GNG12: variants seen among roughly 807,000 people sequenced by gnomAD.
The protein encoded by GNG12 is G protein subunit gamma 12.
For missense variants in GNG12, 69 were observed against 83.8 expected (o/e 0.82, Z 0.69); for synonymous variants, 28 against 29.7 (o/e 0.94, Z 0.19).
chr1:67,807,786 C>A (rs917860546), intron 1 of GNG12, among the ~76,000 whole-genome samples: 2 of 151,972 alleles, frequency 1.3e-5, no homozygotes, highest in Non-Finnish European at 2.9e-5. Flanking sequence ...TCTCAAAAGG[C>A]CTATTTATAT....
intron 2 of GNG12, among the ~76,000 whole-genome samples, chr1:67,773,918 T>C (rs1646689250): frequency 6.6e-6 from 1 of 152,136 alleles, no homozygotes; most frequent in African/African-American, 2.4e-5. Context: ...ACAATTACAT[T>C]TCATCCTTGG....
In GNG12 at chr1:67,701,874, A is replaced by G. The variant is rs1202336178; in HGVS notation, c.*3577T>C. 6.6e-6 allele frequency: 1 copy of G among 152,660 alleles called. No individual in the cohort carries two copies. Among genetic ancestry groups the G allele is most frequent in the Non-Finnish European group, 1.5e-5 (1 of 68,046 alleles). 9.5% of individuals were successfully genotyped at this position (152,660 alleles called of 1,614,324 possible). ...AGGCCTTTTAGAAGCTATTAAATGA[A>G]CAAACATTATAGATAAACCAATTTT... On this transcript the variant is annotated 3_prime_UTR_variant, in exon 4 of 4. Transcript: ENST00000370982.
At chr1:67,757,742 A>T (rs751043299) in intron 2 of GNG12, among the ~76,000 whole-genome samples, 1 of 152,146 alleles carries the variant, frequency 6.6e-6, no homozygotes, top group Non-Finnish European at 1.5e-5. Flanking sequence ...GTGGAAAAAA[A>T]TCTTGTATTT....
intron 2 of GNG12, among the ~76,000 whole-genome samples, chr1:67,718,644 G>C (rs1168731843): frequency 6.7e-6 from 1 of 148,710 alleles, no homozygotes; most frequent in Non-Finnish European, 1.5e-5. Context: ...TTTTACCTGA[G>C]TCTTGGCTCT....
chr1:67,726,979 T>G (rs184180902), intron 2 of GNG12, among the ~76,000 whole-genome samples: 165 of 152,316 alleles, frequency 1.1e-3, no homozygotes, highest in Non-Finnish European at 2.1e-3. Flanking sequence ...AAATTATACA[T>G]GTGACCCTGC....
intron 1 of GNG12, among the ~76,000 whole-genome samples, chr1:67,813,326 C>T (rs1041536194): frequency 4.6e-5 from 7 of 152,192 alleles, no homozygotes; most frequent in African/African-American, 7.2e-5. Flanking sequence ...AAGCCCCTCT[C>T]GTAAGAACCT....
At chr1:67,806,008 A>C (rs994278185) in intron 1 of GNG12, among the ~76,000 whole-genome samples, 1 of 150,372 alleles carries the variant, frequency 6.7e-6, no homozygotes, top group Admixed American at 6.6e-5. Flanking sequence ...TATTGAGAGA[A>C]AAAAAACGAA....
chr1:67,832,609 T>TA (rs34077158), intron 1 of GNG12, among the ~76,000 whole-genome samples: 44,804 of 145,572 alleles, frequency 0.31, 6,704 homozygotes, highest in Admixed American at 0.36. Context: ...GGGCAATAAT[T>TA]AAAAAAAAAA....
In GNG12 at chr1:67,703,663, A is replaced by C. The variant is rs1646228096; in HGVS notation, c.*1788T>G. ...TGGGCATATCGCAGAACGAAAAAGC[A>C]GATGACACAAGGCTAAGGGCAGTGC... On this transcript the variant is annotated 3_prime_UTR_variant, in exon 4 of 4. Coordinates refer to ENST00000370982, the MANE Select transcript of GNG12 (RefSeq NM_018841.6). The C allele has an allele frequency of 6.6e-6, 1 of 152,262 alleles. No individual in the cohort carries two copies. Among genetic ancestry groups the C allele is most frequent in the African/African-American group, 2.4e-5 (1 of 41,470 alleles). The allele number at this position is 152,262 out of a possible 1,614,324, so 9.4% of individuals were successfully genotyped here.
intron 1 of GNG12, among the ~76,000 whole-genome samples, chr1:67,821,324 A>G (rs978246945): frequency 7.1e-6 from 1 of 140,064 alleles, no homozygotes; most frequent in Non-Finnish European, 1.6e-5. Flanking sequence ...AAAGAGATGC[A>G]GCAAAAACAA....
At chr1:67,743,070 G>A (rs1475473792) in intron 2 of GNG12, among the ~76,000 whole-genome samples, 1 of 152,078 alleles carries the variant, frequency 6.6e-6, no homozygotes, top group Non-Finnish European at 1.5e-5. Flanking sequence ...TACTAATCAG[G>A]AAGAATAAAG....
At chr1:67,747,484 A>T (rs1219242836) in intron 2 of GNG12, among the ~76,000 whole-genome samples, 2 of 152,198 alleles carry the variant, frequency 1.3e-5, no homozygotes, top group Non-Finnish European at 2.9e-5. Context: ...AGAGTTTTAA[A>T]GCCTCCCTCA....
intron 1 of GNG12, among the ~76,000 whole-genome samples, chr1:67,801,617 G>A (rs1646866237): frequency 6.6e-6 from 1 of 152,150 alleles, no homozygotes. Flanking sequence ...GGCTTGGAGT[G>A]GAGAACAAAA....
chr1:67,765,700 GTGAC>G (rs1646632101), intron 2 of GNG12, among the ~76,000 whole-genome samples: 2 of 152,342 alleles, frequency 1.3e-5, no homozygotes, highest in East Asian at 3.9e-4. Flanking sequence ...TAGTCAACCT[GTGAC>G]TGAATCTGGC....
chr1:67,831,407 A>C (rs1647043820), intron 1 of GNG12, among the ~76,000 whole-genome samples: 2 of 152,184 alleles, frequency 1.3e-5, no homozygotes. Context: ...CTGGACAGGA[A>C]ATTTTTATAA....
chr1:67,752,821 A>G (rs528433578), intron 2 of GNG12, among the ~76,000 whole-genome samples: 130 of 152,240 alleles, frequency 8.5e-4, no homozygotes, highest in Non-Finnish European at 1.5e-3. Context: ...TCTGAGCTAC[A>G]AATAATATGG....
rs939218615 is a variant in GNG12 at position 67,702,246 on chromosome 1, T to G, written c.*3205A>C. The G allele has an allele frequency of 6.6e-6, 1 of 152,218 alleles. No homozygotes were observed. Among genetic ancestry groups the G allele is most frequent in the South Asian group, 2.1e-4 (1 of 4,834 alleles). 9.4% of individuals were successfully genotyped at this position (152,218 alleles called of 1,614,324 possible). A position where few individuals can be genotyped will look rare whatever the true frequency, so the allele number is the denominator to read the frequency against. ...CAATAAAACCCATAATGTACTCTGG[T>G]ATTGTATTTATTTCACTGAGAAATG... On this transcript the variant is annotated 3_prime_UTR_variant, in exon 4 of 4. Transcript: ENST00000370982.
chr1:67,833,138 T>C (rs1647060887), intron 1 of GNG12, among the ~76,000 whole-genome samples: 1 of 135,464 alleles, frequency 7.4e-6, no homozygotes, highest in African/African-American at 2.8e-5. Flanking sequence ...CCCCCCGGTC[T>C]CCGGCGCCCA....
At chr1:67,793,932 A>G (rs1646815524) in intron 1 of GNG12, among the ~76,000 whole-genome samples, 2 of 152,166 alleles carry the variant, frequency 1.3e-5, no homozygotes, top group South Asian at 4.1e-4. Context: ...ACTCCAGAAA[A>G]TATTTCTCTT....
Sources: allele counts gnomAD v4.1 joint callset (sites outside exome capture counted in the v4.1 genomes callset), GRCh38; gene constraint gnomAD v4.1.1; transcripts MANE v1.5; gene names NCBI Gene and HGNC (gene_info 2026-07-23, HGNC 2026-07-21).